The following PLXNA4 variants were observed in gnomAD, a reference collection of about 807,000 sequenced individuals.
PLXNA4 encodes the protein plexin A4.
A neutral mutation model predicts 191.8 loss-of-function variants in PLXNA4; 44 were observed. The observed-to-expected ratio is 0.23, with a 90% CI of 0.18 to 0.29. PLXNA4 has a LOEUF of 0.29. Among genes scored for constraint, PLXNA4 ranks in the 10% least tolerant of loss-of-function variants. The probability of loss-of-function intolerance (pLI) is 1.00; values close to 1 mark genes in which losing one functional copy is unlikely to be tolerated. For missense variants in PLXNA4, 1,800 were observed against 2,488.8 expected (o/e 0.72, Z 5.89); for synonymous variants, 1,082 against 1,009.5 (o/e 1.07, Z -1.36).
At position 132,123,571 on chromosome 7, in the gene PLXNA4, T is replaced by C. The variant is rs1440676590; in HGVS notation, c.*6908A>G. On this transcript the variant is annotated 3_prime_UTR_variant, in exon 32 of 32. Coordinates refer to ENST00000321063, the MANE Select transcript of PLXNA4 (RefSeq NM_020911.2). Reference sequence around the variant, plus strand: ...TTTTTAATATTTTACTAGGATACTCTTCTTTAAAAATCAAAACCAGAAGAC... The same window carrying C: ...TTTTTAATATTTTACTAGGATACTCCTCTTTAAAAATCAAAACCAGAAGAC... 1.3e-5 allele frequency: 2 copies of C among 152,184 alleles called. No homozygotes were observed. The highest frequency in any genetic ancestry group is 2.9e-5 in the Non-Finnish European group (2 of 68,040). The allele number at this position is 152,184 out of a possible 1,614,324, so 9.4% of individuals were successfully genotyped here.
At chr7:132,138,477 C>CTGGGAG (rs1439435365) in intron 30 of PLXNA4, among the ~76,000 whole-genome samples, 15 of 152,304 alleles carry the variant, frequency 9.8e-5, no homozygotes, top group Non-Finnish European at 2.1e-4. Context: ...GATACCTCCT[C>CTGGGAG]TGGGAGTGGG....
At chr7:132,155,456 T>C (rs141262625) in intron 25 of PLXNA4, among the ~76,000 whole-genome samples, 11 of 152,234 alleles carry the variant, frequency 7.2e-5, no homozygotes, top group Non-Finnish European at 1.6e-4. Flanking sequence ...GTGGGGAACA[T>C]CTCCTAGGCA....
chr7:132,151,763 C>A (rs972360028), intron 25 of PLXNA4, among the ~76,000 whole-genome samples: 10 of 152,270 alleles, frequency 6.6e-5, no homozygotes, highest in Admixed American at 6.5e-4. Context: ...ATCCCTGAGG[C>A]TTTCAGGAAA....
intron 1 of PLXNA4, among the ~76,000 whole-genome samples, chr7:132,527,690 C>G (rs1261567719): frequency 1.3e-5 from 2 of 152,264 alleles, no homozygotes; most frequent in East Asian, 3.9e-4. Context: ...ACCTGTATTC[C>G]CAGCTGAATT....
chr7:132,597,589 ATTC>A, intron 2 of PLXNA4, among the ~76,000 whole-genome samples: 1 of 151,890 alleles, frequency 6.6e-6, no homozygotes, highest in African/African-American at 2.4e-5. Flanking sequence ...TCATTCATTC[ATTC>A]ATTCATTCAT....
At chr7:132,156,091 C>A (rs1428906678) in intron 25 of PLXNA4, among the ~76,000 whole-genome samples, 1 of 149,640 alleles carries the variant, frequency 6.7e-6, no homozygotes, top group African/African-American at 2.5e-5. Context: ...AATCGTATGA[C>A]CACTTCTTTA....
chr7:132,527,252 G>A (rs1002203439), intron 1 of PLXNA4, among the ~76,000 whole-genome samples: 4 of 152,198 alleles, frequency 2.6e-5, no homozygotes, highest in African/African-American at 7.2e-5. Flanking sequence ...TCAAGTAGAC[G>A]TTCTTCCTCC....
chr7:132,463,702 C>A (rs1161264733), intron 3 of PLXNA4, among the ~76,000 whole-genome samples: 1 of 152,214 alleles, frequency 6.6e-6, no homozygotes, highest in Non-Finnish European at 1.5e-5. Context: ...CGGGGACACA[C>A]CATGAGGGCC....
At chr7:132,422,650 C>T (rs1485143895) in intron 3 of PLXNA4, among the ~76,000 whole-genome samples, 1 of 152,214 alleles carries the variant, frequency 6.6e-6, no homozygotes, top group Non-Finnish European at 1.5e-5. Flanking sequence ...TCACGATGTG[C>T]TTAGTCAGAT....
intron 3 of PLXNA4, among the ~76,000 whole-genome samples, chr7:132,322,715 G>A (rs1802221222): frequency 6.6e-6 from 1 of 152,192 alleles, no homozygotes; most frequent in Admixed American, 6.5e-5. Context: ...CTCCTCTTAA[G>A]CACCTCCCGT....
chr7:132,280,487 C>A (rs185715397), intron 4 of PLXNA4, among the ~76,000 whole-genome samples: 1 of 152,212 alleles, frequency 6.6e-6, no homozygotes, highest in South Asian at 2.1e-4. Flanking sequence ...CAAGAATCTT[C>A]CCTGCCAGCA....
intron 12 of PLXNA4, among the ~76,000 whole-genome samples, chr7:132,198,889 G>A (rs1272986593): frequency 6.6e-6 from 1 of 152,198 alleles, no homozygotes; most frequent in Non-Finnish European, 1.5e-5. Flanking sequence ...TAGAAGAGAT[G>A]AGAGGATGGA....
chr7:132,335,517 C>G (rs1233933347), intron 3 of PLXNA4, among the ~76,000 whole-genome samples: 1 of 152,168 alleles, frequency 6.6e-6, no homozygotes, highest in African/African-American at 2.4e-5. Context: ...CATTCTGGGG[C>G]TCCCTGGGCC....
chr7:132,551,705 G>GTGTC (rs1800569649), intron 1 of PLXNA4, among the ~76,000 whole-genome samples: 1 of 152,056 alleles, frequency 6.6e-6, no homozygotes, highest in Admixed American at 6.6e-5. Flanking sequence ...ATGATTCTAG[G>GTGTC]TGTCACCTTT....
At chr7:132,480,268 C>T (rs750828869) in intron 3 of PLXNA4, among the ~76,000 whole-genome samples, 4 of 152,070 alleles carry the variant, frequency 2.6e-5, no homozygotes, top group Non-Finnish European at 4.4e-5. Context: ...TGAGAAGAGC[C>T]GAGAAGCTCA....
intron 3 of PLXNA4, among the ~76,000 whole-genome samples, chr7:132,311,156 T>TTGTGTGTGTGTGTGTGTGTG (rs749947062): frequency 1.1e-4 from 14 of 132,128 alleles, no homozygotes; most frequent in East Asian, 9.0e-4. Context: ...TCTAGGATAA[T>TTGTGTGTGTGTGTGTGTGTG]TGTGTGTGTG....
intron 3 of PLXNA4, among the ~76,000 whole-genome samples, chr7:132,340,330 T>C (rs1802978357): frequency 6.6e-6 from 1 of 152,204 alleles, no homozygotes; most frequent in South Asian, 2.1e-4. Flanking sequence ...GAAAACAAGA[T>C]ACAGAGGATG....
At chr7:132,247,383 A>G (rs1184551746) in intron 4 of PLXNA4, among the ~76,000 whole-genome samples, 1 of 151,974 alleles carries the variant, frequency 6.6e-6, no homozygotes, top group Non-Finnish European at 1.5e-5. Context: ...TAAGTACCCA[A>G]TTTCCTTCAA....
intron 3 of PLXNA4, among the ~76,000 whole-genome samples, chr7:132,312,011 T>G (rs1801761325): frequency 6.6e-6 from 1 of 151,710 alleles, no homozygotes; most frequent in African/African-American, 2.4e-5. Context: ...ACCACCCTCA[T>G]CCCAGGAAAA....
Sources: allele counts gnomAD v4.1 joint callset (sites outside exome capture counted in the v4.1 genomes callset), GRCh38; gene constraint gnomAD v4.1.1; transcripts MANE v1.5; gene names NCBI Gene and HGNC (gene_info 2026-07-23, HGNC 2026-07-21).